The following INPP4B variants were observed in gnomAD, a reference collection of about 807,000 sequenced individuals.
The protein encoded by INPP4B is inositol polyphosphate-4-phosphatase type II B.
A neutral mutation model predicts 122.5 loss-of-function variants in INPP4B; 55 were observed. That is an observed-to-expected ratio of 0.45 (90% CI 0.36 to 0.56). INPP4B has a LOEUF of 0.56. INPP4B is among the 20% of genes least tolerant of loss of function. The pLI, the probability that INPP4B is intolerant of heterozygous loss-of-function variation, is 0.00. For synonymous variants in INPP4B, 403 were observed against 388.7 expected (o/e 1.04, Z -0.43); for missense variants, 1,000 against 1,097.7 (o/e 0.91, Z 1.26).
intron 12 of INPP4B, among the ~76,000 whole-genome samples, chr4:142,236,711 T>A (rs964193229): frequency 6.6e-6 from 1 of 152,200 alleles, no homozygotes. Flanking sequence ...CTCTAACCAA[T>A]TTTGTTAATA....
chr4:142,350,931 G>T (rs1452285917), intron 7 of INPP4B, among the ~76,000 whole-genome samples: 1 of 151,876 alleles, frequency 6.6e-6, no homozygotes, highest in African/African-American at 2.4e-5. Context: ...CTTCTAACAG[G>T]GAGCCCAGAT....
intron 18 of INPP4B, among the ~76,000 whole-genome samples, chr4:142,129,303 T>G (rs527758833): frequency 7.9e-5 from 12 of 152,290 alleles, no homozygotes; most frequent in Admixed American, 7.8e-4. Context: ...TGGGGGCTTG[T>G]TATTTCCTGC....
chr4:142,835,554 G>A (rs957566120), intron 1 of INPP4B, among the ~76,000 whole-genome samples: 5 of 152,130 alleles, frequency 3.3e-5, no homozygotes, highest in Non-Finnish European at 7.3e-5. Flanking sequence ...TAGAGTTTCA[G>A]GCTAGATATC....
At chr4:142,600,664 TTAA>T (rs1739706711) in intron 2 of INPP4B, among the ~76,000 whole-genome samples, 1 of 151,934 alleles carries the variant, frequency 6.6e-6, no homozygotes, top group Non-Finnish European at 1.5e-5. Flanking sequence ...CAGAAAACAA[TTAA>T]TAATACAACA....
chr4:142,647,293 A>C (rs561855776), intron 2 of INPP4B, among the ~76,000 whole-genome samples: 101 of 152,248 alleles, frequency 6.6e-4, no homozygotes, highest in African/African-American at 2.4e-3. Flanking sequence ...TCTTCAGGTA[A>C]ATTTTAACTA....
At chr4:142,638,116 C>T (rs961820761) in intron 2 of INPP4B, among the ~76,000 whole-genome samples, 2 of 152,110 alleles carry the variant, frequency 1.3e-5, no homozygotes, top group Non-Finnish European at 2.9e-5. Flanking sequence ...TCAGATTTGT[C>T]TTTTGCAAAT....
At chr4:142,430,601 A>C (rs1809097890) in intron 4 of INPP4B, among the ~76,000 whole-genome samples, 1 of 152,100 alleles carries the variant, frequency 6.6e-6, no homozygotes, top group South Asian at 2.1e-4. Context: ...CAATTCTTCC[A>C]ATGATTTTAT....
chr4:142,118,190 A>G (rs1794696425), intron 21 of INPP4B, among the ~76,000 whole-genome samples: 1 of 152,206 alleles, frequency 6.6e-6, no homozygotes, highest in South Asian at 2.1e-4. Flanking sequence ...CATAGGAAGA[A>G]CCAATATCGT....
At chr4:142,303,123 G>GA (rs1023719096) in intron 9 of INPP4B, among the ~76,000 whole-genome samples, 46 of 150,622 alleles carry the variant, frequency 3.1e-4, no homozygotes, top group African/African-American at 7.3e-4. Context: ...TTTTCTGCAG[G>GA]AAAAAAAAAT....
intron 9 of INPP4B, among the ~76,000 whole-genome samples, chr4:142,278,719 A>G (rs1157866874): frequency 1.3e-5 from 2 of 151,940 alleles, no homozygotes; most frequent in Non-Finnish European, 2.9e-5. Flanking sequence ...AAGCCACAGG[A>G]AACAGGAAGT....
intron 1 of INPP4B, among the ~76,000 whole-genome samples, chr4:142,827,539 GTACAT>G (rs1214999439): frequency 6.6e-6 from 1 of 152,110 alleles, no homozygotes; most frequent in Non-Finnish European, 1.5e-5. Flanking sequence ...ATTTGCCCAA[GTACAT>G]TACAGCTGTA....
At chr4:142,250,373 C>T (rs1422041731) in intron 11 of INPP4B, among the ~76,000 whole-genome samples, 1 of 152,162 alleles carries the variant, frequency 6.6e-6, no homozygotes, top group Non-Finnish European at 1.5e-5. Flanking sequence ...GACATTCTCT[C>T]CCACTCAGTA....
chr4:142,139,373 C>T (rs758180778), intron 18 of INPP4B, among the ~76,000 whole-genome samples: 103 of 152,138 alleles, frequency 6.8e-4, no homozygotes, highest in Non-Finnish European at 2.1e-4. Flanking sequence ...ATGGCACAAT[C>T]TCAGCTCACT....
At position 142,704,780 on chromosome 4, in the gene INPP4B, C is replaced by T. The variant is rs146018934; in HGVS notation, c.-191+21059G>A. Among the ~76,000 whole-genome samples the T allele has an allele frequency of 9.0e-3, 1,374 of 152,260 alleles. 10 individuals carry two copies. The highest frequency in any genetic ancestry group is 0.017 in the Middle Eastern group (5 of 294). On this transcript the variant is annotated intron_variant, in intron 2 of 25. Transcript: ENST00000262992. ...TGACAAGAACAACTCTCCCTCAAGC[C>T]CTTGCTCCTGATAGTCACTGCATTT...
chr4:142,268,872 C>T (rs1744345491), intron 10 of INPP4B, among the ~76,000 whole-genome samples: 1 of 152,060 alleles, frequency 6.6e-6, no homozygotes, highest in African/African-American at 2.4e-5. Context: ...CAAAAAACTG[C>T]CTTTGTTTTT....
At chr4:142,537,905 C>T (rs1039413543) in intron 2 of INPP4B, among the ~76,000 whole-genome samples, 8 of 151,784 alleles carry the variant, frequency 5.3e-5, no homozygotes, top group East Asian at 1.9e-4. Context: ...AATGGAAAAC[C>T]GAAGTAAGCT....
At chr4:142,471,081 C>T (rs1165310191) in intron 2 of INPP4B, among the ~76,000 whole-genome samples, 1 of 151,960 alleles carries the variant, frequency 6.6e-6, no homozygotes, top group Admixed American at 6.5e-5. Flanking sequence ...GGTAAAACTC[C>T]GTGTAAAATT....
chr4:142,271,016 T>C (rs1745541751), intron 9 of INPP4B, among the ~76,000 whole-genome samples: 1 of 151,376 alleles, frequency 6.6e-6, no homozygotes, highest in Non-Finnish European at 1.5e-5. Context: ...CAGGCTGGAG[T>C]GTAATGGCGT....
intron 21 of INPP4B, among the ~76,000 whole-genome samples, chr4:142,114,133 G>A (rs1017899546): frequency 3.3e-5 from 5 of 152,012 alleles, no homozygotes; most frequent in Non-Finnish European, 7.4e-5. Context: ...GTTGTGGCAT[G>A]TATCAGTAGC....
Sources: gnomAD v4.1 joint callset for allele counts (sites outside exome capture counted in the v4.1 genomes callset) on GRCh38, gnomAD v4.1.1 for gene constraint, MANE v1.5 for transcripts, NCBI Gene and HGNC (gene_info 2026-07-23, HGNC 2026-07-21) for gene names.